The following MCC variants were observed in gnomAD, a reference collection of about 807,000 sequenced individuals.
The protein encoded by MCC is MCC regulator of Wnt signaling pathway.
Under a neutral mutation model 116.2 loss-of-function variants are expected in MCC, and 90 were observed. That is an observed-to-expected ratio of 0.77 (90% CI 0.65 to 0.92). The LOEUF is 0.92. Among genes scored for constraint, MCC ranks in the 40% least tolerant of loss-of-function variants. The pLI is 0.00. For synonymous variants in MCC, 578 were observed against 510.5 expected (o/e 1.13, Z -1.78); for missense variants, 1,516 against 1,312.2 (o/e 1.16, Z -2.40).
At position 113,085,166 on chromosome 5, in the gene MCC, T is replaced by C. The variant is rs752321695; in HGVS notation, c.1543A>G (p.Lys515Glu). ...CGGGTCCATCCCCAGGAACTCACCT[T>C]GGCGATGGGAATGTCATTGCTGCTG... is the stretch of plus-strand genomic sequence containing the variant. ...SSSSNDIPIAKIAERVKLSKT... is the reference protein window; with the variant it reads ...SSSSNDIPIAEIAERVKLSKT... Residue 515 changes from lysine (K) to glutamate (E), a missense_variant and splice_region_variant, in exon 9 of 19, where the codon AAG becomes GAG. Coordinates refer to ENST00000408903, the MANE Select transcript of MCC (RefSeq NM_001085377.2). The C allele has an allele frequency of 6.2e-7, 1 of 1,614,176 alleles. No individual in the cohort carries two copies. Among genetic ancestry groups the C allele is most frequent in the Non-Finnish European group, 8.5e-7 (1 of 1,180,030 alleles).
intron 17 of MCC, among the ~76,000 whole-genome samples, chr5:113,042,220 C>T (rs1751753658): frequency 6.6e-6 from 1 of 150,926 alleles, no homozygotes; most frequent in Admixed American, 6.6e-5. Context: ...GCCTGTAATC[C>T]CAACATTTTG....
At chr5:113,300,978 A>G (rs1201767922) in intron 3 of MCC, among the ~76,000 whole-genome samples, 5 of 152,236 alleles carry the variant, frequency 3.3e-5, no homozygotes, top group African/African-American at 4.8e-5. Flanking sequence ...TCATCCCTGC[A>G]TCCCATTCAT....
At chr5:113,160,707 A>G (rs1271688147) in intron 3 of MCC, among the ~76,000 whole-genome samples, 1 of 152,230 alleles carries the variant, frequency 6.6e-6, no homozygotes, top group Non-Finnish European at 1.5e-5. Context: ...TAAGAGAAGA[A>G]AGCAGAATTA....
rs79820230 is a variant in MCC at position 113,031,014 on chromosome 5, A to G, written c.2757-1958T>C. 7.4e-3 allele frequency among the ~76,000 whole-genome samples: 1,124 copies of G among 152,308 alleles called. 11 individuals carry two copies. Among genetic ancestry groups the G allele is most frequent in the African/African-American group, 0.025 (1,058 of 41,560 alleles). On this transcript the variant is annotated intron_variant, in intron 17 of 18. Transcript: ENST00000408903. ...GTAGAAGGCTCCTTTCTGCTGCCCA[A>G]ACTGTTCAGACCCTGGTTCTCCTTT...
intron 3 of MCC, among the ~76,000 whole-genome samples, chr5:113,253,764 T>C (rs1278886772): frequency 6.6e-6 from 1 of 152,088 alleles, no homozygotes; most frequent in African/African-American, 2.4e-5. Flanking sequence ...AAGAGAATTT[T>C]AGGGGGAAAA....
intron 3 of MCC, among the ~76,000 whole-genome samples, chr5:113,240,858 C>G (rs1040518428): frequency 6.6e-6 from 1 of 152,158 alleles, no homozygotes; most frequent in Non-Finnish European, 1.5e-5. Context: ...GAGGACCAGA[C>G]CCTTATTCAC....
At chr5:113,180,032 C>A (rs1761534533) in intron 3 of MCC, among the ~76,000 whole-genome samples, 1 of 152,092 alleles carries the variant, frequency 6.6e-6, no homozygotes, top group African/African-American at 2.4e-5. Flanking sequence ...CTATTCTCAC[C>A]CCAGAAGTAC....
intron 3 of MCC, among the ~76,000 whole-genome samples, chr5:113,292,659 A>G (rs148196848): frequency 2.0e-5 from 3 of 152,280 alleles, no homozygotes; most frequent in African/African-American, 7.2e-5. Context: ...TGCCAATAGG[A>G]CTAAAGTCAA....
At chr5:113,298,541 T>C (rs1234156821) in intron 3 of MCC, among the ~76,000 whole-genome samples, 1 of 152,176 alleles carries the variant, frequency 6.6e-6, no homozygotes, top group African/African-American at 2.4e-5. Context: ...TTGGAGTAGA[T>C]AAGCAATGTT....
chr5:113,310,127 G>C lies in MCC; in HGVS notation c.627+30392C>G, dbSNP rs112234150. Among the ~76,000 whole-genome samples, 147 of 152,300 alleles carry C rather than the reference G, an allele frequency of 9.7e-4. 2 individuals carry two copies. Among genetic ancestry groups the C allele is most frequent in the African/African-American group, 3.3e-3 (138 of 41,564 alleles). On this transcript the variant is annotated intron_variant, in intron 3 of 18. Transcript: ENST00000408903. The stretch of plus-strand genomic sequence containing the variant: ...GGAAGCCTGCTATGGTTTGAATGAG[G>C]GTGTCCCCTTCACAATTCATATTGA...
At chr5:113,142,297 T>C (rs948150524) in intron 5 of MCC, among the ~76,000 whole-genome samples, 2 of 151,860 alleles carry the variant, frequency 1.3e-5, no homozygotes, top group African/African-American at 4.8e-5. Flanking sequence ...CAAAGCGCTC[T>C]TTCTCCAAAA....
chr5:113,418,683 CATT>C (rs3068637), intron 1 of MCC, among the ~76,000 whole-genome samples: 27,743 of 149,262 alleles, frequency 0.19, 2,996 homozygotes, highest in Admixed American at 0.31. Flanking sequence ...AAATCTTCAT[CATT>C]ATTATCATCA....
chr5:113,145,789 CACACACACACACACACAA>C (rs1271731318), intron 4 of MCC, among the ~76,000 whole-genome samples: 208 of 40,982 alleles, frequency 5.1e-3, no homozygotes, highest in African/African-American at 0.019. Flanking sequence ...CACACAAACA[CACACACACACACACACAA>C]AAGACCCTGT....
At chr5:113,148,935 A>G (rs1438693745) in intron 4 of MCC, among the ~76,000 whole-genome samples, 1 of 152,178 alleles carries the variant, frequency 6.6e-6, no homozygotes, top group Non-Finnish European at 1.5e-5. Flanking sequence ...ACAGGTAAGT[A>G]AAAAAAGAGC....
chr5:113,132,842 G>A (rs1407083675), intron 5 of MCC, among the ~76,000 whole-genome samples: 2 of 152,128 alleles, frequency 1.3e-5, no homozygotes, highest in Non-Finnish European at 2.9e-5. Flanking sequence ...CCAGCCAGTA[G>A]AGTAACTCCC....
chr5:113,104,839 T>C (rs1386852187), intron 6 of MCC, among the ~76,000 whole-genome samples: 3 of 152,232 alleles, frequency 2.0e-5, no homozygotes, highest in African/African-American at 7.2e-5. Context: ...CCAAGAACTT[T>C]TCCATGATAG....
chr5:113,487,780 G>A (rs1052434099), intron 1 of MCC, among the ~76,000 whole-genome samples: 2 of 152,222 alleles, frequency 1.3e-5, no homozygotes, highest in African/African-American at 4.8e-5. Context: ...TTATTTCCCT[G>A]TCCGAGGCTG....
intron 8 of MCC, among the ~76,000 whole-genome samples, chr5:113,096,688 G>T (rs945704897): frequency 6.6e-6 from 1 of 152,192 alleles, no homozygotes; most frequent in Non-Finnish European, 1.5e-5. Flanking sequence ...TTAGGTGGTG[G>T]ATGGCCAACA....
intron 3 of MCC, among the ~76,000 whole-genome samples, chr5:113,252,558 G>C (rs1387802090): frequency 2.0e-5 from 3 of 152,086 alleles, no homozygotes; most frequent in Non-Finnish European, 4.4e-5. Flanking sequence ...CATTGATTCT[G>C]TATTACAGTG....
Sources: gnomAD v4.1 joint callset for allele counts (sites outside exome capture counted in the v4.1 genomes callset) on GRCh38, gnomAD v4.1.1 for gene constraint, MANE v1.5 for transcripts, NCBI Gene and HGNC (gene_info 2026-07-23, HGNC 2026-07-21) for gene names.